Variants in CEP170 observed in about 807,000 individuals in gnomAD.
CEP170 encodes centrosomal protein of 170 kDa.
A neutral mutation model predicts 151.9 loss-of-function variants in CEP170; 21 were observed. The ratio of observed to expected loss-of-function variants is 0.14; its 90% CI spans 0.10 to 0.20. The LOEUF (loss-of-function observed/expected upper bound fraction) is 0.20. Among genes scored for constraint, CEP170 ranks in the 10% least tolerant of loss-of-function variants. CEP170 has a pLI of 1.00. For missense variants in CEP170, 964 were observed against 1,892.9 expected (o/e 0.51, Z 9.11); for synonymous variants, 356 against 648.8 (o/e 0.55, Z 6.86).
At chr1:243,151,176 G>A (rs934319274) in intron 14 of CEP170, among the ~76,000 whole-genome samples, 1 of 152,126 alleles carries the variant, frequency 6.6e-6, no homozygotes, top group African/African-American at 2.4e-5. Context: ...CTGTCTGCTA[G>A]CTTTTTTCAC....
chr1:243,223,507 A>G (rs768629808), intron 2 of CEP170, among the ~76,000 whole-genome samples: 8 of 152,236 alleles, frequency 5.3e-5, no homozygotes, highest in Non-Finnish European at 1.0e-4. Flanking sequence ...CTAAGTGAAC[A>G]ACTTGTTTGA....
chr1:243,202,566 T>G (rs965064243), intron 4 of CEP170, among the ~76,000 whole-genome samples: 22 of 152,022 alleles, frequency 1.4e-4, no homozygotes, highest in African/African-American at 4.8e-5. Context: ...TATAAACACA[T>G]ATATATAATA....
chr1:243,200,187 T>C (rs910941776), intron 6 of CEP170, among the ~76,000 whole-genome samples: 2 of 152,030 alleles, frequency 1.3e-5, no homozygotes, highest in African/African-American at 2.4e-5. Flanking sequence ...TATGTGCAAA[T>C]ACTATGCCAT....
chr1:243,209,153 C>T (rs1325855977), intron 4 of CEP170, among the ~76,000 whole-genome samples: 1 of 152,130 alleles, frequency 6.6e-6, no homozygotes, highest in Admixed American at 6.5e-5. Context: ...TGTTAAATTG[C>T]TCCTTCTATT....
chr1:243,242,380 G>A (rs561568534), intron 1 of CEP170, among the ~76,000 whole-genome samples: 44 of 152,038 alleles, frequency 2.9e-4, no homozygotes, highest in African/African-American at 7.7e-4. Context: ...CACCACGCCC[G>A]GCTAATTTTT....
chr1:243,166,202 T>A (rs2058429645), intron 12 of CEP170, 86 bp from the exon 13 acceptor site: 1 of 1,510,088 alleles, frequency 6.6e-7, no homozygotes. Context: ...TCTGTCAGTA[T>A]CCATGAAGAC....
At chr1:243,183,867 CT>C (rs1037325724) in intron 10 of CEP170, among the ~76,000 whole-genome samples, 32 of 152,162 alleles carry the variant, frequency 2.1e-4, no homozygotes, top group African/African-American at 7.5e-4. Context: ...AAAAATGATG[CT>C]TATGATAATT....
chr1:243,164,610 G>A lies in CEP170; in HGVS notation c.3350C>T (p.Ala1117Val), dbSNP rs368602022. The change falls in exon 13 of 20, where the codon GCT becomes GTT. Residue 1117 changes from alanine to valine, a missense_variant. Transcript: ENST00000366542. ...RLGEASDSELADADKASVASE... is the reference protein window; with the variant it reads ...RLGEASDSELVDADKASVASE... ...AGCAACAGATGCTTTGTCAGCATCA[G>A]CAAGTTCACTGTCTGAAGCTTCACC... The A allele has an allele frequency of 1.2e-6, 2 of 1,613,664 alleles. No individual in the cohort carries two copies. The highest frequency in any genetic ancestry group is 1.7e-6 in the Non-Finnish European group (2 of 1,179,736).
At chr1:243,244,308 G>GA (rs1295999190) in intron 1 of CEP170, among the ~76,000 whole-genome samples, 1 of 150,938 alleles carries the variant, frequency 6.6e-6, no homozygotes, top group Non-Finnish European at 1.5e-5. Context: ...ACAAAAAAAA[G>GA]AAAAAAATCT....
chr1:243,253,836 T>C (rs2066196174), intron 1 of CEP170, among the ~76,000 whole-genome samples: 1 of 152,242 alleles, frequency 6.6e-6, no homozygotes, highest in Non-Finnish European at 1.5e-5. Context: ...ATATGCATTT[T>C]CAATCAAATG....
At chr1:243,166,215 G>C in intron 12 of CEP170, 99 bp from the exon 13 acceptor site, 1 of 1,458,646 alleles carries the variant, frequency 6.9e-7, no homozygotes, top group Non-Finnish European at 9.1e-7. Context: ...ATGAAGACTG[G>C]TTCCAGGCCC....
rs1454672632 is a variant in CEP170, at chr1:243,126,613, C to A, written c.4591G>T (p.Gly1531Cys). 1 of 1,572,440 alleles carries A rather than the reference C, an allele frequency of 6.4e-7. No homozygotes were observed. Among genetic ancestry groups the A allele is most frequent in the Non-Finnish European group, 8.6e-7 (1 of 1,157,856 alleles). The change falls in exon 20 of 20, where the codon GGT becomes TGT. Residue 1531 changes from glycine to cysteine, a missense_variant. Coordinates refer to ENST00000366542, the MANE Select transcript of CEP170 (RefSeq NM_014812.3). ...GGTTGGCCAAGTGTTGGTGTCTGACCCGGGCTGTGGTGGTTATTCACAGGG... is the reference window on the plus strand; with the variant it reads ...GGTTGGCCAAGTGTTGGTGTCTGACACGGGCTGTGGTGGTTATTCACAGGG... ...SSPVNNHHSPGQTPTLGQPEA... is the reference protein window; with the variant it reads ...SSPVNNHHSPCQTPTLGQPEA...
chr1:243,225,479 A>G (rs1342196300), intron 1 of CEP170, among the ~76,000 whole-genome samples, 158 bp from the exon 2 acceptor site: 6 of 152,330 alleles, frequency 3.9e-5, no homozygotes, highest in South Asian at 2.1e-4. Flanking sequence ...CATATATACT[A>G]AATTCTCATC....
intron 13 of CEP170, among the ~76,000 whole-genome samples, chr1:243,159,316 G>A (rs909958941): frequency 6.6e-6 from 1 of 152,048 alleles, no homozygotes; most frequent in African/African-American, 2.4e-5. Flanking sequence ...TCTGCGTAAC[G>A]ACAAAGAGCA....
At chr1:243,177,394 T>A (rs1430797713) in intron 10 of CEP170, among the ~76,000 whole-genome samples, 1 of 152,260 alleles carries the variant, frequency 6.6e-6, no homozygotes, top group Non-Finnish European at 1.5e-5. Context: ...ACATCTAACT[T>A]CTACAATCTT....
chr1:243,144,606 G>A (rs2148341735), intron 14 of CEP170, among the ~76,000 whole-genome samples: 1 of 152,152 alleles, frequency 6.6e-6, no homozygotes, highest in South Asian at 2.1e-4. Context: ...TTTCATTAAG[G>A]ATTTTTTATG....
chr1:243,221,215 G>A (rs1253118328), intron 3 of CEP170, among the ~76,000 whole-genome samples: 1 of 152,126 alleles, frequency 6.6e-6, no homozygotes, highest in East Asian at 1.9e-4. Flanking sequence ...TAGTAGAGAG[G>A]GGGTTCACCG....
chr1:243,172,008 A>C (rs2058879500), intron 11 of CEP170, among the ~76,000 whole-genome samples: 1 of 152,210 alleles, frequency 6.6e-6, no homozygotes, highest in Non-Finnish European at 1.5e-5. Context: ...TGAGTTATAT[A>C]AACTGTATCT....
At chr1:243,231,002 C>G (rs1307598065) in intron 1 of CEP170, among the ~76,000 whole-genome samples, 3 of 151,846 alleles carry the variant, frequency 2.0e-5, no homozygotes, top group Non-Finnish European at 4.4e-5. Context: ...AGAAGTGACT[C>G]TTCATGTACA....
Sources: gnomAD v4.1 joint callset for allele counts (sites outside exome capture counted in the v4.1 genomes callset) on GRCh38, gnomAD v4.1.1 for gene constraint, MANE v1.5 for transcripts, NCBI Gene and HGNC (gene_info 2026-07-23, HGNC 2026-07-21) for gene names.